The following SCN11A variants were observed in gnomAD, a reference collection of about 807,000 sequenced individuals.
SCN11A encodes the protein sodium channel protein type 11 subunit alpha.
Under a neutral mutation model 162.2 loss-of-function variants are expected in SCN11A, and 122 were observed. The ratio of observed to expected loss-of-function variants is 0.75; its 90% confidence interval spans 0.65 to 0.87. SCN11A has a LOEUF of 0.87. Among genes scored for constraint, SCN11A ranks in the 40% least tolerant of loss-of-function variants. The pLI is 0.00. For missense variants in SCN11A, 2,015 were observed against 2,181.6 expected, an observed-to-expected ratio of 0.92 and a Z score of 1.52; for synonymous variants, 758 against 751.5, an observed-to-expected ratio of 1.01 and a Z score of -0.14.
chr3:39,038,724 T>G (rs957771309), intron 1 of SCN11A, among the ~76,000 whole-genome samples: 1 of 152,236 alleles, frequency 6.6e-6, no homozygotes. Flanking sequence ...ACTGATTTCG[T>G]ATCCACATTC....
intron 2 of SCN11A, among the ~76,000 whole-genome samples, chr3:38,993,578 A>T (rs9832455): frequency 1.6e-3 from 238 of 152,350 alleles, no homozygotes; most frequent in African/African-American, 5.6e-3. Context: ...TGGTCACTGA[A>T]ATTTCATAAA....
rs2064666282 is a variant in SCN11A, at chr3:38,846,544, T to C, written c.*150A>G. 1.6e-6 allele frequency: 1 copy of C among 632,124 alleles called. No homozygotes were observed. Among genetic ancestry groups the C allele is most frequent in the Non-Finnish European group, 2.8e-6 (1 of 357,872 alleles). 39.2% of individuals were successfully genotyped at this position (632,124 alleles called of 1,614,324 possible). ...TCTGTAAGTATTATTTAAAATGAAA[T>C]TGAAATATCATTTATTTTAGCCAGA... On this transcript the variant is annotated 3_prime_UTR_variant, in exon 30 of 30. Coordinates refer to ENST00000302328, the MANE Select transcript of SCN11A (RefSeq NM_001349253.2).
chr3:38,992,245 G>A (rs548776043), intron 2 of SCN11A, among the ~76,000 whole-genome samples: 61 of 152,308 alleles, frequency 4.0e-4, no homozygotes, highest in Non-Finnish European at 5.9e-4. Flanking sequence ...TTTCATTGAA[G>A]GCCTGATGAA....
chr3:38,866,375 C>T (rs1472806868), intron 27 of SCN11A, among the ~76,000 whole-genome samples: 2 of 152,144 alleles, frequency 1.3e-5, no homozygotes, highest in South Asian at 2.1e-4. Context: ...TGTACCACCA[C>T]AGCTGGTTAA....
chr3:38,992,416 T>A (rs6802490), intron 2 of SCN11A, among the ~76,000 whole-genome samples: 75,343 of 152,148 alleles, frequency 0.5, 22,377 homozygotes, highest in African/African-American at 0.84. Context: ...GCTCTCCCCT[T>A]GGCTTATGGT....
At chr3:38,867,290 AT>A in intron 27 of SCN11A, 30 bp downstream of exon 27, 1 of 1,598,188 alleles carries the variant, frequency 6.3e-7, no homozygotes, top group Non-Finnish European at 8.5e-7. Flanking sequence ...CAGAGATAAA[AT>A]TACCAAATCA....
At chr3:38,931,785 G>A (rs1438737180) in intron 7 of SCN11A, among the ~76,000 whole-genome samples, 3 of 152,316 alleles carry the variant, frequency 2.0e-5, no homozygotes, top group East Asian at 1.9e-4. Context: ...TACCTCTAGC[G>A]GGAGTGATTT....
chr3:38,957,961 G>A (rs2066701869), intron 3 of SCN11A, among the ~76,000 whole-genome samples: 3 of 152,220 alleles, frequency 2.0e-5, no homozygotes, highest in Admixed American at 2.0e-4. Context: ...AGTGGGGCAT[G>A]GTGACGAGGA....
At chr3:38,936,323 C>T (rs535540360) in intron 7 of SCN11A, among the ~76,000 whole-genome samples, 9,607 of 148,734 alleles carry the variant, frequency 0.065, 961 homozygotes, top group African/African-American at 0.22. Flanking sequence ...ACAGGGATGC[C>T]CTCTCTCACC....
intron 1 of SCN11A, among the ~76,000 whole-genome samples, chr3:39,046,863 G>A (rs751773873): frequency 6.6e-6 from 1 of 152,086 alleles, no homozygotes; most frequent in Non-Finnish European, 1.5e-5. Context: ...TAGGACTACA[G>A]GCATGCACCA....
intron 9 of SCN11A, among the ~76,000 whole-genome samples, chr3:38,923,199 T>C (rs1332721105): frequency 9.2e-5 from 14 of 152,100 alleles, no homozygotes; most frequent in Admixed American, 2.6e-4. Flanking sequence ...CTCATCTCCT[T>C]CCCTGGTTTC....
intron 2 of SCN11A, among the ~76,000 whole-genome samples, chr3:38,964,864 C>T (rs749773775): frequency 5.9e-5 from 9 of 152,230 alleles, no homozygotes; most frequent in African/African-American, 9.6e-5. Flanking sequence ...ATACTGGCAC[C>T]GTCTCAAGCT....
chr3:38,868,434 C>A (rs528383995), intron 26 of SCN11A, among the ~76,000 whole-genome samples: 2 of 152,286 alleles, frequency 1.3e-5, no homozygotes, highest in African/African-American at 4.8e-5. Flanking sequence ...TAGCATTAGA[C>A]ATTTAAAATA....
rs532259915 is a variant in SCN11A, at chr3:38,980,054, C to T, written c.-279-19631G>A. Among the ~76,000 whole-genome samples the T allele has an allele frequency of 7.9e-5, 12 of 152,270 alleles. No homozygotes were observed. The East Asian group carries it at 2.1e-3, about 27-fold the overall frequency. ...ACATCACACCCACACCAGCACCAGG[C>T]CCAGGGGACCAGGCAGAAGGAGAAC... On this transcript the variant is annotated intron_variant, in intron 2 of 29. Transcript: ENST00000302328.
chr3:38,889,676 T>G (rs1443281847), intron 19 of SCN11A, among the ~76,000 whole-genome samples: 3 of 151,182 alleles, frequency 2.0e-5, no homozygotes, highest in Non-Finnish European at 4.4e-5. Context: ...GGCCGGCGCC[T>G]GTCATCCCAG....
At chr3:38,897,299 G>A in intron 17 of SCN11A, 74 bp from the exon 18 acceptor site, 7 of 1,451,706 alleles carry the variant, frequency 4.8e-6, no homozygotes, top group Non-Finnish European at 6.5e-6. Context: ...CATCTATAAA[G>A]CAAATGACAT....
chr3:39,048,556 A>T (rs910400686), intron 1 of SCN11A, among the ~76,000 whole-genome samples: 1 of 152,242 alleles, frequency 6.6e-6, no homozygotes, highest in African/African-American at 2.4e-5. Flanking sequence ...CAGATTGTAT[A>T]CAGGTATCAA....
chr3:38,881,568 C>T (rs528644201), intron 22 of SCN11A, among the ~76,000 whole-genome samples: 2 of 152,274 alleles, frequency 1.3e-5, no homozygotes, highest in South Asian at 4.1e-4. Flanking sequence ...TACATAGTTG[C>T]CTAGACCAGA....
intron 21 of SCN11A, among the ~76,000 whole-genome samples, chr3:38,884,348 T>C (rs1463135420): frequency 1.3e-5 from 2 of 152,228 alleles, no homozygotes; most frequent in East Asian, 3.8e-4. Flanking sequence ...TGCAATCTAC[T>C]GGAAATCCTT....
Sources: gnomAD v4.1 joint callset for allele counts (sites outside exome capture counted in the v4.1 genomes callset) on GRCh38, gnomAD v4.1.1 for gene constraint, MANE v1.5 for transcripts, NCBI Gene and HGNC (gene_info 2026-07-23, HGNC 2026-07-21) for gene names.